The following MTHFD2L variants were observed in gnomAD, a reference collection of about 807,000 sequenced individuals.
The protein encoded by MTHFD2L is bifunctional methylenetetrahydrofolate dehydrogenase/cyclohydrolase 2, mitochondrial.
Under a neutral mutation model 34.9 loss-of-function variants are expected in MTHFD2L, and 29 were observed. That is an observed-to-expected ratio of 0.83 (90% CI 0.62 to 1.13). The LOEUF is 1.13. Among genes scored for constraint, MTHFD2L ranks in the 50% most tolerant of loss-of-function variants. MTHFD2L has a pLI of 0.00. For synonymous variants in MTHFD2L, 167 were observed against 155.7 expected, an observed-to-expected ratio of 1.07 and a Z score of -0.54; for missense variants, 481 against 446.5, an observed-to-expected ratio of 1.08 and a Z score of -0.70.
chr4:74,137,096 C>G (rs1417898830), intron 1 of MTHFD2L, among the ~76,000 whole-genome samples: 1 of 151,926 alleles, frequency 6.6e-6, no homozygotes, highest in Non-Finnish European at 1.5e-5. Context: ...CACAGGCAAC[C>G]AAAGCAAAAA....
At chr4:74,292,609 A>G (rs1479155958) in intron 7 of MTHFD2L, among the ~76,000 whole-genome samples, 4 of 152,136 alleles carry the variant, frequency 2.6e-5, no homozygotes, top group African/African-American at 9.7e-5. Context: ...AGACAATGAC[A>G]AGAGTGTATG....
At chr4:74,212,011 T>A (rs1258414473) in intron 5 of MTHFD2L, among the ~76,000 whole-genome samples, 1 of 152,232 alleles carries the variant, frequency 6.6e-6, no homozygotes, top group Admixed American at 6.5e-5. Context: ...AGTTTGTATT[T>A]CTGTGGGATC....
chr4:74,241,156 C>T (rs1354877623), intron 6 of MTHFD2L, among the ~76,000 whole-genome samples: 1 of 152,012 alleles, frequency 6.6e-6, no homozygotes, highest in African/African-American at 2.4e-5. Flanking sequence ...AAAAGAAACC[C>T]CTCTACCTGC....
At chr4:74,187,078 A>G (rs1295062049) in intron 3 of MTHFD2L, among the ~76,000 whole-genome samples, 1 of 152,208 alleles carries the variant, frequency 6.6e-6, no homozygotes, top group Non-Finnish European at 1.5e-5. Flanking sequence ...TTTTCAACAC[A>G]TAGTACTGGC....
At chr4:74,174,175 A>T (rs1728570083) in intron 1 of MTHFD2L, among the ~76,000 whole-genome samples, 1 of 152,146 alleles carries the variant, frequency 6.6e-6, no homozygotes, top group Non-Finnish European at 1.5e-5. Flanking sequence ...TGAGGGCTCT[A>T]TCCTCATGGT....
intron 1 of MTHFD2L, among the ~76,000 whole-genome samples, chr4:74,138,800 G>A (rs1386228874): frequency 6.6e-6 from 1 of 152,098 alleles, no homozygotes; most frequent in Non-Finnish European, 1.5e-5. Flanking sequence ...ACAATGGGAG[G>A]GGACCCAAAG....
At chr4:74,197,819 A>C (rs905533085) in intron 3 of MTHFD2L, among the ~76,000 whole-genome samples, 3 of 152,184 alleles carry the variant, frequency 2.0e-5, no homozygotes, top group Non-Finnish European at 4.4e-5. Flanking sequence ...TTTTAAATGT[A>C]GATAGAGTAG....
At chr4:74,167,256 G>C (rs574969582) in intron 1 of MTHFD2L, among the ~76,000 whole-genome samples, 3 of 152,184 alleles carry the variant, frequency 2.0e-5, no homozygotes, top group Admixed American at 6.5e-5. Context: ...ATGCCGGATG[G>C]CCCATCAAGA....
At chr4:74,267,689 C>T (rs1745485791) in intron 6 of MTHFD2L, 1 of 983,860 alleles carries the variant, frequency 1.0e-6, no homozygotes, top group Admixed American at 6.1e-5. Flanking sequence ...CCCACCTTGG[C>T]CTCTTAAAGT....
chr4:74,243,948 C>A (rs1472723183), intron 6 of MTHFD2L, among the ~76,000 whole-genome samples: 1 of 152,140 alleles, frequency 6.6e-6, no homozygotes, highest in East Asian at 1.9e-4. Context: ...ACTGCTCAAT[C>A]TGTTGGTAGG....
intron 7 of MTHFD2L, among the ~76,000 whole-genome samples, chr4:74,288,858 T>C (rs955148204): frequency 6.6e-6 from 1 of 152,226 alleles, no homozygotes; most frequent in Non-Finnish European, 1.5e-5. Flanking sequence ...GATATAGATT[T>C]GATACTTTTT....
intron 1 of MTHFD2L, among the ~76,000 whole-genome samples, chr4:74,133,989 C>T (rs1413119105): frequency 1.3e-5 from 2 of 152,158 alleles, no homozygotes; most frequent in Non-Finnish European, 2.9e-5. Flanking sequence ...CCAGATTCTA[C>T]ATCCATGAGG....
chr4:74,139,659 T>G (rs1392971199), intron 1 of MTHFD2L, among the ~76,000 whole-genome samples: 1 of 152,154 alleles, frequency 6.6e-6, no homozygotes, highest in African/African-American at 2.4e-5. Context: ...CTGCTCAAAG[T>G]TTTTTTCACT....
At chr4:74,199,135 C>A (rs894286019) in intron 3 of MTHFD2L, among the ~76,000 whole-genome samples, 5 of 152,106 alleles carry the variant, frequency 3.3e-5, no homozygotes, top group African/African-American at 1.2e-4. Flanking sequence ...TCTATACTTA[C>A]TTTTAAAAAA....
intron 3 of MTHFD2L, among the ~76,000 whole-genome samples, chr4:74,189,059 A>T (rs1731961606): frequency 1.3e-5 from 2 of 152,034 alleles, no homozygotes; most frequent in African/African-American, 2.4e-5. Context: ...GTAGACTATA[A>T]GGTTAAATAT....
intron 7 of MTHFD2L, among the ~76,000 whole-genome samples, chr4:74,288,146 C>T (rs1286563894): frequency 2.0e-5 from 3 of 152,172 alleles, no homozygotes; most frequent in Non-Finnish European, 4.4e-5. Context: ...AAGACTTTGT[C>T]TCCTGAAACA....
intron 3 of MTHFD2L, among the ~76,000 whole-genome samples, 171 bp from the exon 4 acceptor site, chr4:74,199,623 A>C (rs547198434): frequency 6.6e-6 from 1 of 152,008 alleles, no homozygotes; most frequent in African/African-American, 2.4e-5. Flanking sequence ...AGTCAAGAGC[A>C]CTTTGGCTTA....
chr4:74,183,767 TG>T (rs1456245796), intron 3 of MTHFD2L: 12 of 151,496 alleles, frequency 7.9e-5, no homozygotes, highest in Non-Finnish European at 1.5e-5. Flanking sequence ...GGTAACTACC[TG>T]AATAAATATA....
chr4:74,235,035 G>T (rs1173753050), intron 6 of MTHFD2L, among the ~76,000 whole-genome samples: 1 of 152,094 alleles, frequency 6.6e-6, no homozygotes, highest in Non-Finnish European at 1.5e-5. Context: ...ATATAGCAAA[G>T]AAAATATTTA....
Sources: allele counts gnomAD v4.1 joint callset (sites outside exome capture counted in the v4.1 genomes callset), GRCh38; gene constraint gnomAD v4.1.1; transcripts MANE v1.5; gene names NCBI Gene and HGNC (gene_info 2026-07-23, HGNC 2026-07-21).